Variants in IGBP1 observed in about 807,000 individuals in gnomAD.
IGBP1 encodes the protein immunoglobulin binding protein 1.
In IGBP1, 2 loss-of-function variants were observed where a neutral mutation model predicts 25.9. That is an observed-to-expected ratio of 0.08 (90% CI 0.03 to 0.24). IGBP1 has a LOEUF of 0.24. Among genes scored for constraint, IGBP1 ranks in the 10% least tolerant of loss-of-function variants. The probability of loss-of-function intolerance (pLI) is 1.00; values close to 1 mark genes in which losing one functional copy is unlikely to be tolerated. For synonymous variants in IGBP1, 96 were observed against 93.4 expected, an observed-to-expected ratio of 1.03 and a Z score of -0.16; for missense variants, 187 against 260.4, an observed-to-expected ratio of 0.72 and a Z score of 1.94.
At chrX:70,152,145 A>G (rs911514761) in intron 6 of IGBP1, among the ~76,000 whole-genome samples, 1 of 111,336 alleles carries the variant, frequency 9.0e-6, no homozygotes, top group Non-Finnish European at 1.9e-5. Flanking sequence ...ATAGCAACTG[A>G]AAAATGAAGG....
At chrX:70,144,943 C>T (rs1401271454) in intron 3 of IGBP1, among the ~76,000 whole-genome samples, 4 of 108,977 alleles carry the variant, frequency 3.7e-5, no homozygotes, top group African/African-American at 1.0e-4. Flanking sequence ...CAGGGCTGAG[C>T]CACTGTGCCC....
intron 6 of IGBP1, among the ~76,000 whole-genome samples, chrX:70,159,411 G>A (rs761379352): frequency 4.6e-4 from 51 of 111,749 alleles, no homozygotes; most frequent in Non-Finnish European, 8.3e-4. Context: ...AAAAAGTTGC[G>A]CGGGGGGAAT....
Position 70,134,800 on chromosome X carries a change from C to G in IGBP1, c.466C>G (p.Gln156Glu), listed in dbSNP as rs768789527. 5.0e-6 allele frequency: 6 copies of G among 1,209,409 alleles called. No individual in the cohort carries two copies. Among genetic ancestry groups the G allele is most frequent in the Non-Finnish European group, 5.6e-6 (5 of 894,098 alleles). ...TCTCGTTGCTATGGCATCTCAAAGACAGGCTAAAATACAGAGGTGGGTCAA... is the reference window on the plus strand; with the variant it reads ...TCTCGTTGCTATGGCATCTCAAAGAGAGGCTAAAATACAGAGGTGGGTCAA... The part of the protein sequence containing the change: ...PSLVAMASQR[Q>E]AKIQRYKQKK... Residue 156 changes from glutamine (Q) to glutamate (E), a missense_variant, in exon 3 of 7, where the codon CAG becomes GAG. Gln to Glu is a conservative substitution (Grantham distance 29, BLOSUM62 2). Transcript: ENST00000356413.
At chrX:70,160,226 C>T (rs1313145051) in intron 6 of IGBP1, among the ~76,000 whole-genome samples, 1 of 111,031 alleles carries the variant, frequency 9.0e-6, no homozygotes, top group East Asian at 2.8e-4. Flanking sequence ...CTGGAGGGCT[C>T]GAGCGCCACG....
intron 4 of IGBP1, among the ~76,000 whole-genome samples, chrX:70,148,098 G>A (rs958359076): frequency 2.7e-5 from 3 of 111,766 alleles, no homozygotes; most frequent in East Asian, 2.8e-4. Flanking sequence ...TGTTGTAATC[G>A]TTGTGTTGTT....
intron 3 of IGBP1, among the ~76,000 whole-genome samples, chrX:70,139,311 C>CAAAAAAAAAAAAAAAAAA (rs775830617): frequency 2.5e-5 from 1 of 39,437 alleles, no homozygotes. Context: ...GACTCCGTCT[C>CAAAAAAAAAAAAAAAAAA]AAAAAAAAAA....
chrX:70,154,714 C>CAAAAAAAAA (rs762954223), intron 6 of IGBP1, among the ~76,000 whole-genome samples: 13,621 of 27,026 alleles, frequency 0.5, 4,468 homozygotes, highest in East Asian at 0.72. Flanking sequence ...CCCCTCTCCA[C>CAAAAAAAAA]AAAAAAAAAA....
intron 5 of IGBP1, among the ~76,000 whole-genome samples, chrX:70,149,841 T>G (rs974070137): frequency 1.8e-5 from 2 of 111,464 alleles, no homozygotes; most frequent in African/African-American, 6.5e-5. Flanking sequence ...GTTCTTGAGA[T>G]ATGTTTCCCT....
At chrX:70,142,178 C>G (rs1435317744) in intron 3 of IGBP1, among the ~76,000 whole-genome samples, 1 of 110,836 alleles carries the variant, frequency 9.0e-6, no homozygotes. Flanking sequence ...ACAAGAAATA[C>G]AAAAATTAGC....
intron 3 of IGBP1, among the ~76,000 whole-genome samples, chrX:70,138,547 C>A (rs961825714): frequency 9.4e-5 from 10 of 106,025 alleles, no homozygotes; most frequent in African/African-American, 2.7e-4. Context: ...AGAAAGTTTG[C>A]AAAACAGAAG....
intron 2 of IGBP1, among the ~76,000 whole-genome samples, 175 bp downstream of exon 2, chrX:70,134,310 A>G (rs1602658073): frequency 8.9e-6 from 1 of 111,984 alleles, no homozygotes; most frequent in African/African-American, 3.3e-5. Context: ...CAGATGGTTG[A>G]TATCTTACGA....
chrX:70,157,213 T>C (rs1373025480), intron 6 of IGBP1, among the ~76,000 whole-genome samples: 1 of 99,855 alleles, frequency 1.0e-5, no homozygotes, highest in Non-Finnish European at 2.0e-5. Flanking sequence ...TCAACACTTA[T>C]GTTAGAAAAA....
At chrX:70,159,563 A>T (rs189617736) in intron 6 of IGBP1, among the ~76,000 whole-genome samples, 1 of 110,773 alleles carries the variant, frequency 9.0e-6, no homozygotes, top group Non-Finnish European at 1.9e-5. Context: ...ACATGGGTGC[A>T]GGTTCAGTCT....
At chrX:70,150,584 A>G (rs2085196729) in intron 6 of IGBP1, among the ~76,000 whole-genome samples, 1 of 112,166 alleles carries the variant, frequency 8.9e-6, no homozygotes, top group African/African-American at 3.2e-5. Flanking sequence ...AACTCAATCT[A>G]TGGATAGCAG....
chrX:70,162,905 C>T (rs1041933537), intron 6 of IGBP1, among the ~76,000 whole-genome samples: 1 of 111,069 alleles, frequency 9.0e-6, no homozygotes. Context: ...GCCCAGGAGG[C>T]GGAGGTTGCA....
chrX:70,156,226 C>T (rs1442823901), intron 6 of IGBP1, among the ~76,000 whole-genome samples: 1 of 104,661 alleles, frequency 9.6e-6, no homozygotes, highest in Non-Finnish European at 1.9e-5. Context: ...AGCAAATGCT[C>T]TTAGAAAAAG....
chrX:70,139,945 A>T (rs2085120091), intron 3 of IGBP1, among the ~76,000 whole-genome samples: 1 of 111,994 alleles, frequency 8.9e-6, no homozygotes, highest in African/African-American at 3.2e-5. Flanking sequence ...GAATAGACCC[A>T]GCTCTGTCCC....
rs781523466 is a variant in IGBP1 at position 70,144,060 on chromosome X, C to T, written c.483-2573C>T. On this transcript the variant is annotated intron_variant, in intron 3 of 6. Transcript: ENST00000356413. The stretch of plus-strand genomic sequence containing the variant: ...AAAATTAGCTGGGTGTGGTGGTGCA[C>T]ACCTATAATCCCAGCTACTTGGGAG... Among the ~76,000 whole-genome samples the T allele has an allele frequency of 2.7e-5, 3 of 111,926 alleles. No individual in the cohort carries two copies. The East Asian group carries it at 8.5e-4, about 32-fold the overall frequency.
chrX:70,143,459 C>G, intron 3 of IGBP1, among the ~76,000 whole-genome samples: 1 of 112,526 alleles, frequency 8.9e-6, no homozygotes, highest in East Asian at 2.8e-4. Context: ...AGGGTGACCA[C>G]TCAGCCAAAG....
Sources: gnomAD v4.1 joint callset for allele counts (sites outside exome capture counted in the v4.1 genomes callset) on GRCh38, gnomAD v4.1.1 for gene constraint, MANE v1.5 for transcripts, NCBI Gene and HGNC (gene_info 2026-07-23, HGNC 2026-07-21) for gene names.